The following CREBRF variants were observed in gnomAD, a reference collection of about 807,000 sequenced individuals.
CREBRF encodes UPF0474 protein C5orf41.
CREBRF carries 5 observed loss-of-function variants against 66.1 expected under a neutral mutation model. The observed-to-expected ratio is 0.08, with a 90% confidence interval of 0.04 to 0.16. The LOEUF is 0.16. Ranked by LOEUF, CREBRF falls within the 10% of genes least tolerant of loss-of-function variation. CREBRF has a pLI of 1.00. For missense variants in CREBRF, 531 were observed against 744.9 expected, an observed-to-expected ratio of 0.71 and a Z score of 3.34; for synonymous variants, 229 against 264.4, an observed-to-expected ratio of 0.87 and a Z score of 1.30.
intron 4 of CREBRF, among the ~76,000 whole-genome samples, chr5:173,095,405 G>A (rs1364934519): frequency 2.0e-5 from 3 of 151,824 alleles, no homozygotes. Context: ...TAGCCAGGAT[G>A]GTCTCGATCT....
intron 4 of CREBRF, among the ~76,000 whole-genome samples, chr5:173,092,883 A>T (rs1217650093): frequency 6.6e-6 from 1 of 152,188 alleles, no homozygotes; most frequent in Non-Finnish European, 1.5e-5. Flanking sequence ...TGCCTTCTTC[A>T]TTGGTTTACT....
At chr5:173,086,066 T>C (rs1034835722) in intron 2 of CREBRF, 2 of 891,042 alleles carry the variant, frequency 2.2e-6, no homozygotes, top group African/African-American at 3.3e-5. Flanking sequence ...GAGTGTATGG[T>C]TCTCTACCAA....
rs1324381908 is a variant in CREBRF at position 173,133,626 on chromosome 5, T to C, written c.1805-4T>C. 3.8e-6 allele frequency: 6 copies of C among 1,565,824 alleles called. No homozygotes were observed. The East Asian group carries it at 1.3e-4, about 35-fold the overall frequency. On this transcript the variant is annotated splice_region_variant and splice_polypyrimidine_tract_variant and intron_variant, in intron 8 of 8. Transcript: ENST00000296953. ...CTAGATGTGCCTTTTATTCTTCTCT[T>C]CAGGTCTACCAGTTGCTGGGCAAAC...
intron 4 of CREBRF, among the ~76,000 whole-genome samples, chr5:173,104,968 T>G (rs1758714853): frequency 6.6e-6 from 1 of 152,128 alleles, no homozygotes; most frequent in Non-Finnish European, 1.5e-5. Context: ...TCTATTCAGA[T>G]CATTTAATTA....
intron 4 of CREBRF, among the ~76,000 whole-genome samples, chr5:173,103,158 C>T (rs1758668133): frequency 6.6e-6 from 1 of 152,190 alleles, no homozygotes; most frequent in Admixed American, 6.6e-5. Flanking sequence ...TATACATTAG[C>T]AGGCATTTGG....
intron 4 of CREBRF, among the ~76,000 whole-genome samples, chr5:173,100,131 A>AATTT (rs1333613309): frequency 1.6e-4 from 7 of 42,870 alleles, no homozygotes; most frequent in South Asian, 9.3e-4. Flanking sequence ...TATATATATA[A>AATTT]TTTTTTTTTT....
At chr5:173,116,660 T>C (rs1758997751) in intron 7 of CREBRF, among the ~76,000 whole-genome samples, 1 of 151,778 alleles carries the variant, frequency 6.6e-6, no homozygotes, top group Non-Finnish European at 1.5e-5. Flanking sequence ...GTTTCAAGTT[T>C]TTGGCTATAA....
chr5:173,072,768 A>G (rs1209879353), intron 1 of CREBRF, among the ~76,000 whole-genome samples: 2 of 152,130 alleles, frequency 1.3e-5, no homozygotes, highest in East Asian at 3.8e-4. Context: ...GGATAGAGAC[A>G]GGAAGACTGT....
chr5:173,070,166 T>G (rs1757555696), intron 1 of CREBRF, among the ~76,000 whole-genome samples: 1 of 152,120 alleles, frequency 6.6e-6, no homozygotes, highest in Non-Finnish European at 1.5e-5. Context: ...GTGCTGGGAT[T>G]ATAGGCAGTG....
At chr5:173,127,738 G>A (rs1397891997) in intron 8 of CREBRF, among the ~76,000 whole-genome samples, 1 of 152,074 alleles carries the variant, frequency 6.6e-6, no homozygotes, top group Admixed American at 6.6e-5. Flanking sequence ...GATTACAGGC[G>A]TGAGCCACTG....
Position 173,137,619 on chromosome 5 carries a change from A to C in CREBRF, c.*3874A>C, listed in dbSNP as rs548386337. ...TTTTGTTTTATAAAAACAGATGACAAGTCTCTTTAAAAGAAACAGAAGTAC... is the reference window on the plus strand; with the variant it reads ...TTTTGTTTTATAAAAACAGATGACACGTCTCTTTAAAAGAAACAGAAGTAC... On this transcript the variant is annotated 3_prime_UTR_variant, in exon 9 of 9. Transcript: ENST00000296953. 2.6e-5 allele frequency: 4 copies of C among 152,128 alleles called. No individual in the cohort carries two copies. In the South Asian group the frequency reaches 6.2e-4, roughly 24 times the overall value. The allele number at this position is 152,128 out of a possible 1,614,324, so 9.4% of individuals were successfully genotyped here. A position where few individuals can be genotyped will look rare whatever the true frequency, so the allele number is the denominator to read the frequency against.
chr5:173,082,749 A>T (rs1757995773), intron 2 of CREBRF, among the ~76,000 whole-genome samples: 1 of 151,260 alleles, frequency 6.6e-6, no homozygotes, highest in South Asian at 2.1e-4. Context: ...CTCTACTAAA[A>T]ATACAAAAAT....
chr5:173,133,641 G>T lies in CREBRF; in HGVS notation c.1816G>T (p.Ala606Ser). ...LIKDTLGLPV[A>S]GQTSEFVNQV... Reference sequence around the variant, plus strand: ...ATTCTTCTCTTCAGGTCTACCAGTTGCTGGGCAAACCTCAGAATTTGTTAA... The same window carrying T: ...ATTCTTCTCTTCAGGTCTACCAGTTTCTGGGCAAACCTCAGAATTTGTTAA... Residue 606 changes from alanine (A) to serine (S), a missense_variant, in exon 9 of 9, where the codon GCT becomes TCT. This residue lies in a region of CREBRF where 64 missense variants were observed against 111.3 expected (regional missense o/e 0.58). Transcript: ENST00000296953. 1 of 1,606,746 alleles carries T rather than the reference G, an allele frequency of 6.2e-7. No individual in the cohort carries two copies.
chr5:173,087,974 C>G (rs1185300251), intron 3 of CREBRF, among the ~76,000 whole-genome samples: 2 of 151,678 alleles, frequency 1.3e-5, no homozygotes, highest in African/African-American at 4.8e-5. Flanking sequence ...CAGGCATGCA[C>G]CACCACACCC....
chr5:173,070,998 G>A (rs544129983), intron 1 of CREBRF, among the ~76,000 whole-genome samples: 1 of 152,090 alleles, frequency 6.6e-6, no homozygotes, highest in South Asian at 2.1e-4. Flanking sequence ...TCTCAAAGAT[G>A]TCACAGTCTG....
At chr5:173,096,416 C>T (rs1056055844) in intron 4 of CREBRF, among the ~76,000 whole-genome samples, 6 of 114,386 alleles carry the variant, frequency 5.2e-5, no homozygotes, top group African/African-American at 1.9e-4. Context: ...TTTCCTTTTC[C>T]CTTCCCTTCC....
At chr5:173,096,215 C>T (rs956650164) in intron 4 of CREBRF, among the ~76,000 whole-genome samples, 1 of 152,076 alleles carries the variant, frequency 6.6e-6, no homozygotes, top group Non-Finnish European at 1.5e-5. Flanking sequence ...GTGATCCGCC[C>T]GCCTTGGCCT....
intron 4 of CREBRF, among the ~76,000 whole-genome samples, chr5:173,105,552 T>C (rs1758728641): frequency 6.6e-6 from 1 of 152,086 alleles, no homozygotes; most frequent in Non-Finnish European, 1.5e-5. Context: ...CTCACTGCAC[T>C]CCACCTCCCA....
chr5:173,080,133 A>G (rs565185942), intron 1 of CREBRF, among the ~76,000 whole-genome samples: 2 of 152,124 alleles, frequency 1.3e-5, no homozygotes, highest in Non-Finnish European at 2.9e-5. Flanking sequence ...GCTGACTATT[A>G]TGTATTCATT....
Sources: gnomAD v4.1 joint callset for allele counts (sites outside exome capture counted in the v4.1 genomes callset) on GRCh38, gnomAD v4.1.1 for gene constraint, gnomAD v4.1.1 regional missense constraint, MANE v1.5 for transcripts, NCBI Gene and HGNC (gene_info 2026-07-23, HGNC 2026-07-21) for gene names.